The following RBFOX1 variants were observed in gnomAD, a reference collection of about 807,000 sequenced individuals.
RBFOX1 encodes RNA binding protein fox-1 homolog 1.
In RBFOX1, 8 loss-of-function variants were observed where a neutral mutation model predicts 57.7. The ratio of observed to expected loss-of-function variants is 0.14; its 90% CI spans 0.08 to 0.25. RBFOX1 has a LOEUF of 0.25. RBFOX1 is among the 10% of genes least tolerant of loss of function. The pLI is 1.00. For synonymous variants in RBFOX1, 326 were observed against 222.4 expected, an observed-to-expected ratio of 1.47 and a Z score of -4.15; for missense variants, 611 against 548.5, an observed-to-expected ratio of 1.11 and a Z score of -1.14.
intron 3 of RBFOX1, among the ~76,000 whole-genome samples, chr16:6,985,935 A>G (rs1157849517): frequency 6.6e-6 from 1 of 150,892 alleles, no homozygotes; most frequent in East Asian, 1.9e-4. Flanking sequence ...TGAATTGTAA[A>G]TCTCCATGGA....
chr16:5,287,789 C>G (rs995664106), intron 1 of RBFOX1, among the ~76,000 whole-genome samples: 2 of 152,172 alleles, frequency 1.3e-5, no homozygotes, highest in Admixed American at 6.5e-5. Flanking sequence ...CAAAGCTAGA[C>G]ACAGGACTAA....
At chr16:5,378,717 T>G (rs559734108) in intron 1 of RBFOX1, among the ~76,000 whole-genome samples, 1 of 151,682 alleles carries the variant, frequency 6.6e-6, no homozygotes, top group South Asian at 2.1e-4. Context: ...GATATTCCCA[T>G]GACTTACGTT....
At chr16:6,731,451 T>C (rs1403654490) in intron 3 of RBFOX1, among the ~76,000 whole-genome samples, 1 of 152,190 alleles carries the variant, frequency 6.6e-6, no homozygotes, top group East Asian at 1.9e-4. Context: ...TCCTGTGGGT[T>C]TGCCATCTTT....
chr16:7,387,979 G>A (rs2097913076), intron 4 of RBFOX1, among the ~76,000 whole-genome samples: 1 of 151,916 alleles, frequency 6.6e-6, no homozygotes, highest in Non-Finnish European at 1.5e-5. Flanking sequence ...CTCTTGTTCA[G>A]CTATTGTGGG....
intron 3 of RBFOX1, among the ~76,000 whole-genome samples, chr16:7,018,792 A>AG (rs1176680110): frequency 6.6e-6 from 1 of 150,794 alleles, no homozygotes; most frequent in African/African-American, 2.5e-5. Context: ...AGTATTAAAA[A>AG]AAAAAAAGAA....
At chr16:7,129,303 G>T (rs1030308064) in intron 4 of RBFOX1, among the ~76,000 whole-genome samples, 1 of 152,094 alleles carries the variant, frequency 6.6e-6, no homozygotes, top group Non-Finnish European at 1.5e-5. Context: ...TGTTTCATCG[G>T]TTTGGTTAGA....
At chr16:6,430,149 C>A (rs2094037868) in intron 2 of RBFOX1, among the ~76,000 whole-genome samples, 1 of 151,794 alleles carries the variant, frequency 6.6e-6, no homozygotes, top group South Asian at 2.1e-4. Context: ...CAGAAAAAGT[C>A]TTTCCTTTAT....
chr16:7,592,979 C>CTTT (rs1203680995), intron 7 of RBFOX1, among the ~76,000 whole-genome samples: 8 of 137,604 alleles, frequency 5.8e-5, no homozygotes, highest in African/African-American at 2.1e-4. Context: ...TCACACCTGG[C>CTTT]TTTTTTTTTT....
At chr16:7,155,826 C>CT (rs2077006725) in intron 4 of RBFOX1, among the ~76,000 whole-genome samples, 1 of 148,924 alleles carries the variant, frequency 6.7e-6, no homozygotes, top group Non-Finnish European at 1.5e-5. Flanking sequence ...TGTAAATGTG[C>CT]TCTATATAAT....
Position 6,732,336 on chromosome 16 carries a change from C to G in RBFOX1, c.-16+77686C>G, listed in dbSNP as rs139218760. ...CCCCAGGCTCCTGTTCAGATTCTCA[C>G]GAGAGAGTGAGTCTCTGACAGATGC... On this transcript the variant is annotated intron_variant, in intron 3 of 15. Transcript: ENST00000550418. Among the ~76,000 whole-genome samples, 94 of 152,258 alleles carry G rather than the reference C, an allele frequency of 6.2e-4. 1 individual carries two copies. Among genetic ancestry groups the G allele is most frequent in the African/African-American group, 1.7e-3 (71 of 41,564 alleles).
chr16:6,122,020 C>G (rs970755775), intron 1 of RBFOX1, among the ~76,000 whole-genome samples: 10 of 152,176 alleles, frequency 6.6e-5, no homozygotes, highest in Admixed American at 5.2e-4. Context: ...ATTCTCCTGC[C>G]TCAGCCTCCT....
intron 2 of RBFOX1, chr16:6,483,233 G>T: frequency 2.4e-6 from 3 of 1,233,108 alleles, no homozygotes; most frequent in Non-Finnish European, 3.0e-6. Context: ...CCGGGCCCTG[G>T]CGCCGCCGTG....
In RBFOX1 at chr16:5,732,654, A is replaced by G. The variant is rs532940285; in HGVS notation, c.318+133693A>G. Among the ~76,000 whole-genome samples the G allele has an allele frequency of 1.3e-4, 20 of 152,262 alleles. No homozygotes were observed. In the South Asian group the frequency reaches 3.9e-3, roughly 30 times the overall value. On this transcript the variant is annotated intron_variant, in intron 3 of 19. Coordinates refer to the RBFOX1 transcript ENST00000641259. Reference sequence around the variant, plus strand: ...ATTCCCTTTTTGGCAAGAAGTAACTACCTTCTATGTAGTCTTTAGTTAATC... The same window carrying G: ...ATTCCCTTTTTGGCAAGAAGTAACTGCCTTCTATGTAGTCTTTAGTTAATC...
Position 7,377,247 on chromosome 16 carries a change from G to C in RBFOX1, c.28-140900G>C, listed in dbSNP as rs1424632199. On this transcript the variant is annotated intron_variant, in intron 4 of 15. Transcript: ENST00000550418. ...CTTGACAGGAAGTGCTCTGGCATATGTCAGTGACCTCCAATGCTCCTGGAG... is the reference window on the plus strand; with the variant it reads ...CTTGACAGGAAGTGCTCTGGCATATCTCAGTGACCTCCAATGCTCCTGGAG... Among the ~76,000 whole-genome samples, 3 of 152,200 alleles carry C rather than the reference G, an allele frequency of 2.0e-5. No individual in the cohort carries two copies. The South Asian group carries it at 6.2e-4, about 31-fold the overall frequency.
intron 3 of RBFOX1, among the ~76,000 whole-genome samples, chr16:6,795,892 A>G (rs1023617798): frequency 2.6e-5 from 4 of 151,698 alleles, no homozygotes; most frequent in Non-Finnish European, 5.9e-5. Context: ...CTTTCCTTTT[A>G]TGTTCTTATG....
chr16:5,366,764 C>A, intron 1 of RBFOX1: 1 of 296,324 alleles, frequency 3.4e-6, no homozygotes, highest in African/African-American at 2.2e-5. Flanking sequence ...TCTGGCTGTC[C>A]TTTTTGTAAT....
intron 3 of RBFOX1, among the ~76,000 whole-genome samples, chr16:5,760,704 A>C (rs183772363): frequency 3.3e-5 from 5 of 152,272 alleles, no homozygotes; most frequent in Admixed American, 3.3e-4. Context: ...TTGGTGCAAA[A>C]GTAATTGTGG....
intron 4 of RBFOX1, among the ~76,000 whole-genome samples, chr16:7,306,129 G>C (rs961768059): frequency 1.7e-4 from 26 of 151,776 alleles, no homozygotes; most frequent in African/African-American, 6.3e-4. Flanking sequence ...AATGCTATAG[G>C]TACTCAATGT....
intron 4 of RBFOX1, among the ~76,000 whole-genome samples, chr16:6,010,100 A>G (rs1034506209): frequency 1.3e-5 from 2 of 152,206 alleles, no homozygotes; most frequent in African/African-American, 4.8e-5. Context: ...TGGGGACATT[A>G]AGAATACTGA....
Sources: gnomAD v4.1 joint callset for allele counts (sites outside exome capture counted in the v4.1 genomes callset) on GRCh38, gnomAD v4.1.1 for gene constraint, MANE v1.5 for transcripts, NCBI Gene and HGNC (gene_info 2026-07-23, HGNC 2026-07-21) for gene names.